The following GPRASP3 variants were observed in gnomAD, a reference collection of about 807,000 sequenced individuals.
GPRASP3 encodes G protein-coupled receptor associated sorting protein family member 3.
At chrX:102,751,172 A>G in the GPRASP3 span, 1 of 124,314 alleles carries the variant, frequency 8.0e-6, no homozygotes, top group Non-Finnish European at 1.9e-5. Context: ...CGCAACACAG[A>G]AATGACTCAG....
the GPRASP3 span, chrX:102,749,204 C>T: frequency 1.2e-5 from 15 of 1,210,080 alleles, no homozygotes; most frequent in South Asian, 3.5e-5. Flanking sequence ...GTTGCTGAGA[C>T]GAAGGAAGGA....
At chrX:102,741,025 G>T in the GPRASP3 span, among the ~76,000 whole-genome samples, 15 of 111,574 alleles carry the variant, frequency 1.3e-4, 2 homozygotes, top group East Asian at 8.5e-4. Flanking sequence ...GAGTCTCATG[G>T]TACCTAATAT....
chrX:102,743,769 TGTGGGAAA>T, the GPRASP3 span, among the ~76,000 whole-genome samples: 1 of 108,283 alleles, frequency 9.2e-6, no homozygotes, highest in Non-Finnish European at 1.9e-5. Context: ...ATCATAGGGG[TGTGGGAAA>T]TGGTCCTCCT....
At chrX:102,741,294 T>C in the GPRASP3 span, among the ~76,000 whole-genome samples, 1 of 112,419 alleles carries the variant, frequency 8.9e-6, no homozygotes, top group Non-Finnish European at 1.9e-5. Context: ...CCTAGGACTT[T>C]ATAGGCTGGC....
chrX:102,736,846 A>G, the GPRASP3 span, among the ~76,000 whole-genome samples: 1 of 112,148 alleles, frequency 8.9e-6, no homozygotes, highest in Non-Finnish European at 1.9e-5. Context: ...AATGTGAAGT[A>G]ATTTCTGAAA....
At chrX:102,724,093 C>A in the GPRASP3 span, among the ~76,000 whole-genome samples, 1 of 111,179 alleles carries the variant, frequency 9.0e-6, no homozygotes, top group Non-Finnish European at 1.9e-5. Flanking sequence ...AATTATGAAA[C>A]CTCATAATGT....
the GPRASP3 span, chrX:102,749,194 G>T: frequency 4.1e-6 from 5 of 1,212,107 alleles, no homozygotes; most frequent in East Asian, 1.5e-4. Flanking sequence ...GAACAAGGTT[G>T]TTGCTGAGAC....
chrX:102,722,316 C>T, the GPRASP3 span, among the ~76,000 whole-genome samples: 2 of 111,947 alleles, frequency 1.8e-5, no homozygotes, highest in Non-Finnish European at 3.8e-5. Context: ...GGATATAAAT[C>T]AAAAGCCAGA....
At chrX:102,743,826 T>C in the GPRASP3 span, among the ~76,000 whole-genome samples, 1 of 110,183 alleles carries the variant, frequency 9.1e-6, no homozygotes, top group South Asian at 4.0e-4. Context: ...TCAGGAGCAG[T>C]TGGTGGGTCG....
At chrX:102,752,795 A>C in the GPRASP3 span, 3 of 120,397 alleles carry the variant, frequency 2.5e-5, no homozygotes, top group Non-Finnish European at 5.7e-5. Flanking sequence ...TTTGAGACAG[A>C]GTCTTGCTCT....
the GPRASP3 span, chrX:102,752,553 A>T: frequency 8.1e-6 from 1 of 123,604 alleles, no homozygotes; most frequent in African/African-American, 3.2e-5. Flanking sequence ...CAAAAATGGG[A>T]ACACAGTATT....
chrX:102,735,359 T>C, the GPRASP3 span, among the ~76,000 whole-genome samples: 5 of 111,039 alleles, frequency 4.5e-5, no homozygotes, highest in African/African-American at 1.6e-4. Context: ...AAAAACTGTA[T>C]AATACCCCTT....
chrX:102,732,725 C>G, the GPRASP3 span, among the ~76,000 whole-genome samples: 8 of 111,504 alleles, frequency 7.2e-5, no homozygotes, highest in Non-Finnish European at 1.5e-4. Context: ...TGCATAAAGC[C>G]CAGCAAGAAT....
the GPRASP3 span, chrX:102,751,851 A>C: frequency 1.6e-5 from 2 of 121,658 alleles, no homozygotes; most frequent in African/African-American, 6.6e-5. Flanking sequence ...ATCTTTTTCT[A>C]TCCATTTGTA....
the GPRASP3 span, among the ~76,000 whole-genome samples, chrX:102,730,208 A>C: frequency 8.9e-6 from 1 of 112,107 alleles, no homozygotes; most frequent in African/African-American, 3.2e-5. Context: ...AGGAGCATGC[A>C]ACCTAGATCC....
chrX:102,730,164 G>A, the GPRASP3 span, among the ~76,000 whole-genome samples: 5 of 112,202 alleles, frequency 4.5e-5, no homozygotes, highest in Admixed American at 9.4e-5. Flanking sequence ...GTGATGGGAG[G>A]CAGTGACAGA....
At chrX:102,729,116 C>T in the GPRASP3 span, among the ~76,000 whole-genome samples, 2 of 112,329 alleles carry the variant, frequency 1.8e-5, no homozygotes, top group Non-Finnish European at 3.8e-5. Context: ...CTTTTGTGGG[C>T]ATTACTTCCA....
the GPRASP3 span, among the ~76,000 whole-genome samples, chrX:102,723,515 C>G: frequency 8.3e-4 from 93 of 111,937 alleles, no homozygotes; most frequent in Admixed American, 1.1e-3. Context: ...GTTTTCTACT[C>G]AAGCTGTCTT....
At chrX:102,735,107 A>G in the GPRASP3 span, among the ~76,000 whole-genome samples, 1 of 112,399 alleles carries the variant, frequency 8.9e-6, no homozygotes, top group Admixed American at 9.4e-5. Flanking sequence ...AAAATCTTTC[A>G]TTATTTTTTA....
Sources: gnomAD v4.1 joint callset for allele counts (sites outside exome capture counted in the v4.1 genomes callset) on GRCh38, gnomAD v4.1.1 for gene constraint, MANE v1.5 for transcripts, NCBI Gene and HGNC (gene_info 2026-07-23, HGNC 2026-07-21) for gene names.